Variants in MTMR12 observed in about 807,000 individuals in gnomAD.
MTMR12 encodes myotubularin related protein 12.
A neutral mutation model predicts 96.7 loss-of-function variants in MTMR12; 33 were observed. The ratio of observed to expected loss-of-function variants is 0.34; its 90% CI spans 0.26 to 0.46. The LOEUF (loss-of-function observed/expected upper bound fraction) is 0.46, where lower values mean the gene tolerates loss of function less well. Ranked by LOEUF, MTMR12 falls within the 20% of genes least tolerant of loss-of-function variation. The pLI is 1.00. For missense variants in MTMR12, 721 were observed against 896.1 expected, an observed-to-expected ratio of 0.80 and a Z score of 2.49; for synonymous variants, 298 against 327.2, an observed-to-expected ratio of 0.91 and a Z score of 0.96.
chr5:32,276,369 A>G (rs1750052116), intron 2 of MTMR12, among the ~76,000 whole-genome samples: 2 of 152,264 alleles, frequency 1.3e-5, no homozygotes, highest in Admixed American at 1.3e-4. Context: ...ATTGGGGATC[A>G]GCATACTGGA....
chr5:32,239,137 G>C lies in MTMR12; in HGVS notation c.1208C>G (p.Ser403Cys), dbSNP rs1465765166. Residue 403 changes from serine to cysteine, a missense_variant, in exon 13 of 16, where the codon TCT becomes TGT. Ser to Cys is a moderately radical substitution (Grantham distance 112, BLOSUM62 -1). Coordinates refer to ENST00000382142, the MANE Select transcript of MTMR12 (RefSeq NM_001040446.3). The part of the protein sequence containing the change: ...NASDLCCLIS[S>C]LVQLMMDPHC... The stretch of plus-strand genomic sequence containing the variant: ...GGGGTCCATCATCAGTTGCACCAGA[G>C]AGGAAATGAGACAGCAGAGGTCGGA... 6.2e-7 allele frequency: 1 copy of C among 1,606,752 alleles called. No individual in the cohort carries two copies. The highest frequency in any genetic ancestry group is 8.5e-7 in the Non-Finnish European group (1 of 1,176,392).
In MTMR12 at chr5:32,242,143, A is replaced by C. The variant is rs764508236; in HGVS notation, c.1101-16T>G. On this transcript the variant is annotated splice_polypyrimidine_tract_variant and intron_variant, in intron 11 of 15. Transcript: ENST00000382142. ...CAGGCAACGTCTGAATAGGAAAGAG[A>C]CAAGAAAAAGGGGCATTAGTTCATG... 3.7e-6 allele frequency: 6 copies of C among 1,602,204 alleles called. No individual in the cohort carries two copies. The highest frequency in any genetic ancestry group is 5.1e-6 in the Non-Finnish European group (6 of 1,170,456).
At chr5:32,242,019 GA>G in intron 12 of MTMR12, 37 bp downstream of exon 12, 1 of 1,542,272 alleles carries the variant, frequency 6.5e-7, no homozygotes, top group Non-Finnish European at 8.9e-7. Flanking sequence ...TCAAGTGAAG[GA>G]AAATGGAAAT....
At chr5:32,257,344 G>C (rs1026398837) in intron 7 of MTMR12, among the ~76,000 whole-genome samples, 2 of 152,158 alleles carry the variant, frequency 1.3e-5, no homozygotes, top group Non-Finnish European at 2.9e-5. Flanking sequence ...TAATCCAAGA[G>C]AGGGTGAAGC....
chr5:32,290,267 C>T (rs577549857), intron 1 of MTMR12, among the ~76,000 whole-genome samples: 4 of 152,196 alleles, frequency 2.6e-5, no homozygotes, highest in Non-Finnish European at 4.4e-5. Context: ...TTTGAAGAGA[C>T]CTTGATCGCT....
At chr5:32,248,727 G>A in intron 9 of MTMR12, 45 bp downstream of exon 9, 3 of 1,481,694 alleles carry the variant, frequency 2.0e-6, no homozygotes, top group Non-Finnish European at 2.8e-6. Flanking sequence ...CTGCTTCTTG[G>A]AAAACAAGAA....
chr5:32,249,430 A>C (rs752472635), intron 8 of MTMR12, among the ~76,000 whole-genome samples: 2 of 152,208 alleles, frequency 1.3e-5, no homozygotes, highest in Non-Finnish European at 2.9e-5. Flanking sequence ...ACTAGGAAGA[A>C]TGGAATGTTG....
Position 32,229,783 on chromosome 5 carries a change from C to A in MTMR12, c.2239G>T (p.Val747Leu), listed in dbSNP as rs748436151. The change falls in exon 16 of 16, where the codon GTG becomes TTG. Residue 747 changes from valine to leucine, a missense_variant. Physicochemically the swap from Val to Leu is conservative, Grantham distance 32 (BLOSUM62 1). Coordinates refer to ENST00000382142, the MANE Select transcript of MTMR12 (RefSeq NM_001040446.3). ...ACAATCACTCAACAAACAGGTCACA[C>A]ATCCCCTAGGTCCACGAACTCATCT... ...REDEFVDLGDV is the reference protein window; with the variant it reads ...REDEFVDLGDL The A allele has an allele frequency of 1.3e-6, 2 of 1,523,596 alleles. No individual in the cohort carries two copies. The highest frequency in any genetic ancestry group is 1.8e-6 in the Non-Finnish European group (2 of 1,135,472). The allele number at this position is 1,523,596 out of a possible 1,614,324, so 94.4% of individuals were successfully genotyped here.
chr5:32,295,158 C>T (rs548814839), intron 1 of MTMR12, among the ~76,000 whole-genome samples: 91 of 152,374 alleles, frequency 6.0e-4, no homozygotes, highest in African/African-American at 2.1e-3. Flanking sequence ...TGGCTCCCTC[C>T]GAGCAGGCCT....
rs1561726206 is a variant in MTMR12, at chr5:32,228,524, T to TCATATATATGATATATATATCA, written c.*1232_*1253dup. On this transcript the variant is annotated 3_prime_UTR_variant, in exon 16 of 16. Transcript: ENST00000382142. ...TTTCCTGCATTAAAAAAAATATATA[T>TCATATATATGATATATATATCA]CATATATATGATATATATATCATAT... is the stretch of plus-strand genomic sequence containing the variant. 6 of 93,410 alleles carry TCATATATATGATATATATATCA rather than the reference T, an allele frequency of 6.4e-5. No individual in the cohort carries two copies. The highest frequency in any genetic ancestry group is 2.1e-4 in the African/African-American group (6 of 28,710). The allele number at this position is 93,410 out of a possible 1,614,324, so 5.8% of individuals were successfully genotyped here.
intron 10 of MTMR12, among the ~76,000 whole-genome samples, chr5:32,244,796 T>C (rs1748614014): frequency 6.6e-6 from 1 of 152,200 alleles, no homozygotes; most frequent in African/African-American, 2.4e-5. Flanking sequence ...TTTCTCTTTA[T>C]CACCAACGAC....
intron 6 of MTMR12, 57 bp downstream of exon 6, chr5:32,268,644 A>AG: frequency 7.0e-7 from 1 of 1,433,138 alleles, no homozygotes. Flanking sequence ...CACTGGCTTC[A>AG]GGTGGGAATT....
At chr5:32,262,330 A>G (rs2112058243) in intron 7 of MTMR12, among the ~76,000 whole-genome samples, 1 of 152,314 alleles carries the variant, frequency 6.6e-6, no homozygotes, top group Admixed American at 6.5e-5. Context: ...GCCAGGCATG[A>G]TGGCTCATGC....
rs949671229 is a variant in MTMR12 at position 32,229,928 on chromosome 5, G to A, written c.2094C>T (p.Asn698=). The A allele has an allele frequency of 6.2e-7, 1 of 1,612,774 alleles. No individual in the cohort carries two copies. Among genetic ancestry groups the A allele is most frequent in the East Asian group, 2.2e-5 (1 of 44,848 alleles). The stretch of plus-strand genomic sequence containing the variant: ...GAAACAAAGACGAGAGGCGGGCAGA[G>A]TTCCTCAGCAGGCAGGGGGCCTCAG... ...PQAEAPCLLR[N]SARLSSLFPF... Residue 698 remains asparagine (N), a synonymous_variant, in exon 16 of 16, where the codon AAC becomes AAT. Transcript: ENST00000382142.
rs1747883134 is a variant in MTMR12, at chr5:32,228,993, C to G, written c.*785G>C. On this transcript the variant is annotated 3_prime_UTR_variant, in exon 16 of 16. Transcript: ENST00000382142. ...AGGATCTCAGGCAAAGAAACAGATC[C>G]CCGCAGCGTAACCAAGAGGTTTGGC... The G allele has an allele frequency of 6.6e-6, 1 of 152,054 alleles. No individual in the cohort carries two copies. The highest frequency in any genetic ancestry group is 1.5e-5 in the Non-Finnish European group (1 of 68,066). The allele number at this position is 152,054 out of a possible 1,614,324, so 9.4% of individuals were successfully genotyped here.
At chr5:32,235,195 G>T in intron 13 of MTMR12, 66 bp from the exon 14 acceptor site, 1 of 1,475,022 alleles carries the variant, frequency 6.8e-7, no homozygotes, top group South Asian at 1.3e-5. Flanking sequence ...GAGTTCAGGG[G>T]GCAGCCACCT....
rs1749105089 is a variant in MTMR12, at chr5:32,255,616, G to C, written c.789+77C>G. ...AAACAAACTCTAGAACAAAAGCCAA[G>C]GGCTTTCAGTAGGATCATTTTGCCA... On this transcript the variant is annotated intron_variant, in intron 8 of 15. Coordinates refer to ENST00000382142, the MANE Select transcript of MTMR12 (RefSeq NM_001040446.3). 3 of 1,321,844 alleles carry C rather than the reference G, an allele frequency of 2.3e-6. No individual in the cohort carries two copies. In the Admixed American group the frequency reaches 7.9e-5, roughly 35 times the overall value. The allele number at this position is 1,321,844 out of a possible 1,614,324, so 81.9% of individuals were successfully genotyped here.
At chr5:32,254,999 C>T (rs1359601442) in intron 8 of MTMR12, among the ~76,000 whole-genome samples, 1 of 152,198 alleles carries the variant, frequency 6.6e-6, no homozygotes, top group Non-Finnish European at 1.5e-5. Flanking sequence ...CGGAGGGCCT[C>T]TGGTTCACCA....
intron 1 of MTMR12, among the ~76,000 whole-genome samples, chr5:32,289,757 A>G (rs1487070920): frequency 6.6e-6 from 1 of 152,044 alleles, no homozygotes; most frequent in Non-Finnish European, 1.5e-5. Flanking sequence ...AACTGGCAGA[A>G]CCCCCACATT....
Sources: gnomAD v4.1 joint callset for allele counts (sites outside exome capture counted in the v4.1 genomes callset) on GRCh38, gnomAD v4.1.1 for gene constraint, MANE v1.5 for transcripts, NCBI Gene and HGNC (gene_info 2026-07-23, HGNC 2026-07-21) for gene names.